DCPS: variants seen among roughly 807,000 people sequenced by gnomAD.
DCPS encodes decapping enzyme, scavenger.
A neutral mutation model predicts 34.7 loss-of-function variants in DCPS; 27 were observed. The observed-to-expected ratio is 0.78, with a 90% CI of 0.57 to 1.07. The LOEUF (loss-of-function observed/expected upper bound fraction) is 1.07, where lower values mean the gene tolerates loss of function less well. Ranked by LOEUF, DCPS falls within the 50% of genes least tolerant of loss-of-function variation. The pLI is 0.00. For synonymous variants in DCPS, 185 were observed against 185.7 expected, an observed-to-expected ratio of 1.00 and a Z score of 0.03; for missense variants, 464 against 436.9, an observed-to-expected ratio of 1.06 and a Z score of -0.55.
At chr11:126,316,961 T>TA (rs1951664756) in intron 2 of DCPS, among the ~76,000 whole-genome samples, 1 of 141,440 alleles carries the variant, frequency 7.1e-6, no homozygotes, top group Non-Finnish European at 1.5e-5. Flanking sequence ...CGGCCTCTTT[T>TA]TTTTTTTTTT....
Position 126,348,560 on chromosome 11 carries a change from A to G in DCPS, c.*2947A>G, listed in dbSNP as rs1951958414. Among the ~76,000 whole-genome samples the G allele has an allele frequency of 1.3e-5, 2 of 152,256 alleles. No homozygotes were observed. Among genetic ancestry groups the G allele is most frequent in the African/African-American group, 4.8e-5 (2 of 41,486 alleles). On this transcript the variant is annotated 3_prime_UTR_variant, in exon 6 of 6. Coordinates refer to ENST00000263579, the MANE Select transcript of DCPS (RefSeq NM_014026.6). The surrounding 1 kb of genome is among the most constrained non-coding windows in gnomAD (Gnocchi z 5.3). Reference sequence around the variant, plus strand: ...TTATCACCCTCAAGGTCTAGAGTGCACCAGGGTTGGCTGCTCTGCCAAGTC... The same window carrying G: ...TTATCACCCTCAAGGTCTAGAGTGCGCCAGGGTTGGCTGCTCTGCCAAGTC...
rs959602863 is a variant in DCPS, at chr11:126,328,597, C to T, written c.377-2808C>T. Among the ~76,000 whole-genome samples, 2 of 152,172 alleles carry T rather than the reference C, an allele frequency of 1.3e-5. No homozygotes were observed. The highest frequency in any genetic ancestry group is 3.9e-4 in the East Asian group (2 of 5,184). ...TCCCACAGGCCTCGGCAGACCAGGG[C>T]ATGCTCACAGGCCGGGTGGCTTTCT... On this transcript the variant is annotated intron_variant, in intron 2 of 5. Coordinates refer to ENST00000263579, the MANE Select transcript of DCPS (RefSeq NM_014026.6). The surrounding 1 kb of genome is among the most constrained non-coding windows in gnomAD (Gnocchi z 6.6).
At chr11:126,309,936 A>G (rs990454557) in intron 2 of DCPS, among the ~76,000 whole-genome samples, 2 of 151,438 alleles carry the variant, frequency 1.3e-5, no homozygotes, top group Admixed American at 6.6e-5. Context: ...CTTTTTCTCA[A>G]CCCCTGTGAA....
rs993950242 is a variant in DCPS, at chr11:126,342,457, G to A, written c.637-850G>A. ...TGGGCCTTGACTCCAAACAAATCAA[G>A]TTGCTTCCTCTCCCCTTCCGTATAC... On this transcript the variant is annotated intron_variant, in intron 4 of 5. Transcript: ENST00000263579. The surrounding 1 kb of genome is among the most constrained non-coding windows in gnomAD (Gnocchi z 4.4). 3 of 152,358 alleles carry A rather than the reference G, an allele frequency of 2.0e-5. No homozygotes were observed. Among genetic ancestry groups the A allele is most frequent in the African/African-American group, 7.2e-5 (3 of 41,446 alleles). The allele number at this position is 152,358 out of a possible 1,614,324, so 9.4% of individuals were successfully genotyped here.
Position 126,345,293 on chromosome 11 carries a change from G to T in DCPS, c.748-54G>T. 1 of 1,599,904 alleles carries T rather than the reference G, an allele frequency of 6.3e-7. No homozygotes were observed. ...AGGAGGGTCTAGGTGGGGACATGGC[G>T]CCGGGCCTCAGGCAGCACGGTGACT... On this transcript the variant is annotated intron_variant, in intron 5 of 5. Coordinates refer to ENST00000263579, the MANE Select transcript of DCPS (RefSeq NM_014026.6). This position sits in a 1 kb window ranked among gnomAD's most constrained non-coding sequence, Gnocchi z 7.4.
intron 2 of DCPS, among the ~76,000 whole-genome samples, chr11:126,311,898 T>C (rs1359970715): frequency 1.3e-5 from 2 of 152,200 alleles, no homozygotes; most frequent in East Asian, 3.9e-4. Flanking sequence ...CTAATAGACA[T>C]GAATAGAAAT....
Position 126,337,134 on chromosome 11 carries a change from T to C in DCPS, c.523-1152T>C, listed in dbSNP as rs949049925. On this transcript the variant is annotated intron_variant, in intron 3 of 5. Transcript: ENST00000263579. This position sits in a 1 kb window ranked among gnomAD's most constrained non-coding sequence, Gnocchi z 5.3. ...ACTTCTGGGAGTGGAAGGAGGACCA[T>C]GGATGGCTGCCTGGTAGTGTCGGTT... 1.3e-5 allele frequency: 2 copies of C among 152,250 alleles called. No individual in the cohort carries two copies. The highest frequency in any genetic ancestry group is 2.4e-5 in the African/African-American group (1 of 41,444). 9.4% of individuals were successfully genotyped at this position (152,250 alleles called of 1,614,324 possible). A position where few individuals can be genotyped will look rare whatever the true frequency, so the allele number is the denominator to read the frequency against.
At chr11:126,306,266 A>G (rs1459619696) in intron 1 of DCPS, among the ~76,000 whole-genome samples, 1 of 152,042 alleles carries the variant, frequency 6.6e-6, no homozygotes, top group Non-Finnish European at 1.5e-5. Flanking sequence ...CCAGCTACTC[A>G]GGAGGCTGTG....
Position 126,323,207 on chromosome 11 carries a change from A to ATGTCTCTG in DCPS, c.377-8197_377-8190dup, listed in dbSNP as rs1951720050. 6.6e-6 allele frequency among the ~76,000 whole-genome samples: 1 copy of ATGTCTCTG among 152,208 alleles called. No individual in the cohort carries two copies. The highest frequency in any genetic ancestry group is 2.4e-5 in the African/African-American group (1 of 41,448). ...TCTCAAAATATATCTTGCTTGCACC[A>ATGTCTCTG]TGTCTCTGGGCACAACTTGAGTTTG... On this transcript the variant is annotated intron_variant, in intron 2 of 5. Transcript: ENST00000263579. The surrounding 1 kb of genome is among the most constrained non-coding windows in gnomAD (Gnocchi z 4.4).
In DCPS at chr11:126,312,141, G is replaced by A. The variant is rs1037345610; in HGVS notation, c.376+5397G>A. Among the ~76,000 whole-genome samples the A allele has an allele frequency of 2.0e-5, 3 of 151,996 alleles. No individual in the cohort carries two copies. The highest frequency in any genetic ancestry group is 1.3e-4 in the Admixed American group (2 of 15,258). ...AGATGGGGTTTCACCACATTGGCCA[G>A]GCTAGTCTCGGACTCCTGACCTCAG... On this transcript the variant is annotated intron_variant, in intron 2 of 5. Transcript: ENST00000263579. This position sits in a 1 kb window ranked among gnomAD's most constrained non-coding sequence, Gnocchi z 5.1.
Position 126,349,239 on chromosome 11 carries a change from C to G in DCPS, c.*3626C>G, listed in dbSNP as rs1263552652. Among the ~76,000 whole-genome samples, 1 of 152,212 alleles carries G rather than the reference C, an allele frequency of 6.6e-6. No homozygotes were observed. The highest frequency in any genetic ancestry group is 1.5e-5 in the Non-Finnish European group (1 of 68,026). On this transcript the variant is annotated 3_prime_UTR_variant, in exon 6 of 6. Coordinates refer to ENST00000263579, the MANE Select transcript of DCPS (RefSeq NM_014026.6). This position sits in a 1 kb window ranked among gnomAD's most constrained non-coding sequence, Gnocchi z 5.4. ...CCCTCTGGCAGCATGACACCTTGGT[C>G]CTGTGTGCTGCAGAGTGCCTCATGT...
chr11:126,306,329 C>T lies in DCPS; in HGVS notation c.202-241C>T, dbSNP rs537541731. Among the ~76,000 whole-genome samples the T allele has an allele frequency of 7.9e-5, 12 of 151,580 alleles. 1 individual carries two copies. Among genetic ancestry groups the T allele is most frequent in the Admixed American group, 1.3e-4 (2 of 15,216 alleles). Reference sequence around the variant, plus strand: ...TGGAGGTTGCAGTGAGCCAAGATCGCGCCATTGCACTCCAATCCGGGCAAC... The same window carrying T: ...TGGAGGTTGCAGTGAGCCAAGATCGTGCCATTGCACTCCAATCCGGGCAAC... On this transcript the variant is annotated intron_variant, in intron 1 of 5. Coordinates refer to ENST00000263579, the MANE Select transcript of DCPS (RefSeq NM_014026.6).
rs934011570 is a variant in DCPS at position 126,319,450 on chromosome 11, C to T, written c.377-11955C>T. On this transcript the variant is annotated intron_variant, in intron 2 of 5. Coordinates refer to ENST00000263579, the MANE Select transcript of DCPS (RefSeq NM_014026.6). The surrounding 1 kb of genome is among the most constrained non-coding windows in gnomAD (Gnocchi z 4.5). ...GAACCTGCTGTCCCGCAGCATTTGG[C>T]CACAGTATCCCCTGGTAAGGCTGTC... 2.6e-5 allele frequency among the ~76,000 whole-genome samples: 4 copies of T among 152,154 alleles called. No homozygotes were observed. In the East Asian group the frequency reaches 5.8e-4, roughly 22 times the overall value.
At chr11:126,307,431 G>A (rs942522776) in intron 2 of DCPS, among the ~76,000 whole-genome samples, 4 of 151,796 alleles carry the variant, frequency 2.6e-5, no homozygotes, top group African/African-American at 9.7e-5. Flanking sequence ...TATTTTTTGA[G>A]ATGGAGTCTT....
rs937375235 is a variant in DCPS at position 126,338,629 on chromosome 11, G to A, written c.636+230G>A. ...TTCTGGCTGTCCTCCCACCCAAGAG[G>A]TAAAATGGGGTGATGTTTGTGCCCA... is the stretch of plus-strand genomic sequence containing the variant. On this transcript the variant is annotated intron_variant, in intron 4 of 5. Coordinates refer to ENST00000263579, the MANE Select transcript of DCPS (RefSeq NM_014026.6). The surrounding 1 kb of genome is among the most constrained non-coding windows in gnomAD (Gnocchi z 5.4). 6.6e-5 allele frequency among the ~76,000 whole-genome samples: 10 copies of A among 152,186 alleles called. No homozygotes were observed. The highest frequency in any genetic ancestry group is 2.1e-4 in the South Asian group (1 of 4,830).
In DCPS at chr11:126,349,098, G is replaced by C. The variant is rs1055263513; in HGVS notation, c.*3485G>C. On this transcript the variant is annotated 3_prime_UTR_variant, in exon 6 of 6. Coordinates refer to ENST00000263579, the MANE Select transcript of DCPS (RefSeq NM_014026.6). The surrounding 1 kb of genome is among the most constrained non-coding windows in gnomAD (Gnocchi z 5.4). ...ATCTCACGCAGGGGATGGAGAGTAA[G>C]GACCAGCCCCTCTACCTCATGCTTT... Among the ~76,000 whole-genome samples the C allele has an allele frequency of 6.6e-6, 1 of 152,172 alleles. No homozygotes were observed. The highest frequency in any genetic ancestry group is 2.4e-5 in the African/African-American group (1 of 41,432).
intron 2 of DCPS, among the ~76,000 whole-genome samples, chr11:126,324,664 C>T (rs1469657612): frequency 1.1e-4 from 12 of 112,732 alleles, no homozygotes; most frequent in Admixed American, 3.4e-4. Flanking sequence ...TTGGTAAAGA[C>T]GGGATCTCAC....
Position 126,331,716 on chromosome 11 carries a change from A to G in DCPS, c.522+166A>G, listed in dbSNP as rs1019023714. On this transcript the variant is annotated intron_variant, in intron 3 of 5. Coordinates refer to ENST00000263579, the MANE Select transcript of DCPS (RefSeq NM_014026.6). The surrounding 1 kb of genome is among the most constrained non-coding windows in gnomAD (Gnocchi z 7.2). ...AGAATCCCCACCTCGTGCAGCTTAC[A>G]TCCCATGCACAGTCACACGGTGTGT... is the stretch of plus-strand genomic sequence containing the variant. Among the ~76,000 whole-genome samples, 2 of 152,206 alleles carry G rather than the reference A, an allele frequency of 1.3e-5. No individual in the cohort carries two copies. The highest frequency in any genetic ancestry group is 2.4e-5 in the African/African-American group (1 of 41,446).
rs11371505 is a variant in DCPS at position 126,320,004 on chromosome 11, A to ATT, written c.377-11388_377-11387dup. On this transcript the variant is annotated intron_variant, in intron 2 of 5. Coordinates refer to ENST00000263579, the MANE Select transcript of DCPS (RefSeq NM_014026.6). The surrounding 1 kb of genome is among the most constrained non-coding windows in gnomAD (Gnocchi z 4.7). ...AACATCTCAGAGTATGTCCTTTCAGATTTTTTTTTTTTTTGAGATGGAATC... is the reference window on the plus strand; with the variant it reads ...AACATCTCAGAGTATGTCCTTTCAGATTTTTTTTTTTTTTTTGAGATGGAATC... 6.6e-3 allele frequency among the ~76,000 whole-genome samples: 948 copies of ATT among 144,488 alleles called. 9 individuals are homozygous for ATT. The highest frequency in any genetic ancestry group is 0.017 in the African/African-American group (678 of 39,192). The allele number at this position is 144,488 out of a possible 152,430, so 94.8% of individuals were successfully genotyped here. A position where few individuals can be genotyped will look rare whatever the true frequency, so the allele number is the denominator to read the frequency against.
Sources: gnomAD v4.1 joint callset for allele counts (sites outside exome capture counted in the v4.1 genomes callset) on GRCh38, gnomAD v4.1.1 for gene constraint, Gnocchi (gnomAD v3.1) non-coding constraint, MANE v1.5 for transcripts, NCBI Gene and HGNC (gene_info 2026-07-23, HGNC 2026-07-21) for gene names.